The following FHIT variants were observed in gnomAD, a reference collection of about 807,000 sequenced individuals.
The protein encoded by FHIT is fragile histidine triad diadenosine triphosphatase.
A neutral mutation model predicts 17.9 loss-of-function variants in FHIT; 19 were observed. That is an observed-to-expected ratio of 1.06 (90% CI 0.74 to 1.56). The LOEUF is 1.56. Ranked by LOEUF, FHIT falls within the 40% of genes most tolerant of loss-of-function variation. The pLI is 0.00. For synonymous variants in FHIT, 81 were observed against 69.7 expected, an observed-to-expected ratio of 1.16 and a Z score of -0.81; for missense variants, 248 against 189.2, an observed-to-expected ratio of 1.31 and a Z score of -1.82.
intron 3 of FHIT, among the ~76,000 whole-genome samples, chr3:60,846,784 T>C (rs1702940101): frequency 6.6e-6 from 1 of 152,180 alleles, no homozygotes; most frequent in African/African-American, 2.4e-5. Context: ...TATGCATTAA[T>C]GGATGTATTT....
chr3:60,701,219 G>A (rs1716723), intron 4 of FHIT, among the ~76,000 whole-genome samples: 119,227 of 150,852 alleles, frequency 0.79, 48,235 homozygotes, highest in East Asian at 0.9. Context: ...GACTTCCCTG[G>A]CTCTGGTGAT....
chr3:59,916,113 C>T (rs1228048472), intron 8 of FHIT, among the ~76,000 whole-genome samples: 5 of 152,058 alleles, frequency 3.3e-5, no homozygotes, highest in East Asian at 3.9e-4. Flanking sequence ...GAGGCAGACC[C>T]ACCCTCAATC....
At chr3:60,103,214 T>C (rs111570393) in intron 5 of FHIT, among the ~76,000 whole-genome samples, 2 of 152,336 alleles carry the variant, frequency 1.3e-5, no homozygotes, top group Middle Eastern at 3.4e-3. Context: ...TTGTTTTTAC[T>C]TGATAAACAC....
intron 2 of FHIT, among the ~76,000 whole-genome samples, chr3:61,191,047 A>G (rs9868716): frequency 0.42 from 63,906 of 151,494 alleles, 13,996 homozygotes; most frequent in East Asian, 0.8. Context: ...AAACCTGCAC[A>G]TTGCGTACAT....
intron 2 of FHIT, among the ~76,000 whole-genome samples, chr3:61,138,960 T>A (rs1326759272): frequency 6.6e-6 from 1 of 150,760 alleles, no homozygotes; most frequent in Admixed American, 6.6e-5. Context: ...AATAAAAAAA[T>A]AAAGAAGAAC....
intron 7 of FHIT, among the ~76,000 whole-genome samples, chr3:60,003,161 T>C (rs1180032851): frequency 6.6e-6 from 1 of 152,154 alleles, no homozygotes; most frequent in Non-Finnish European, 1.5e-5. Context: ...AATAAAACAC[T>C]GTAAAGCCGA....
At chr3:60,390,661 T>C (rs1455676864) in intron 5 of FHIT, among the ~76,000 whole-genome samples, 1 of 152,020 alleles carries the variant, frequency 6.6e-6, no homozygotes, top group African/African-American at 2.4e-5. Flanking sequence ...ATATTGATGA[T>C]CCTGACCTGG....
At chr3:59,927,146 G>A (rs6793471) in intron 7 of FHIT, among the ~76,000 whole-genome samples, 12,706 of 152,178 alleles carry the variant, frequency 0.083, 766 homozygotes, top group East Asian at 0.31. Flanking sequence ...GCCATAAAAA[G>A]GAGTGATGTG....
Position 60,453,987 on chromosome 3 carries a change from T to C in FHIT, c.103+82873A>G, listed in dbSNP as rs375575305. Among the ~76,000 whole-genome samples the C allele has an allele frequency of 3.4e-4, 52 of 152,184 alleles. 1 individual carries two copies. The East Asian group carries it at 5.6e-3, about 16-fold the overall frequency. ...ATGAGAAAAAAAAATAACCTAAGCATTGTTCAAGAGAAGATGCCATGTTCA... is the reference window on the plus strand; with the variant it reads ...ATGAGAAAAAAAAATAACCTAAGCACTGTTCAAGAGAAGATGCCATGTTCA... On this transcript the variant is annotated intron_variant, in intron 5 of 9. Coordinates refer to ENST00000492590, the MANE Select transcript of FHIT (RefSeq NM_002012.4).
At position 60,481,316 on chromosome 3, in the gene FHIT, T is replaced by C. The variant is rs142591847; in HGVS notation, c.103+55544A>G. ...CAGACCAACATGCAAATTCAGAAAA[T>C]TCAGAGAACACCACTAAGATACTCC... is the stretch of plus-strand genomic sequence containing the variant. On this transcript the variant is annotated intron_variant, in intron 5 of 9. Transcript: ENST00000492590. Among the ~76,000 whole-genome samples, 335 of 151,988 alleles carry C rather than the reference T, an allele frequency of 2.2e-3. 1 individual carries two copies. The highest frequency in any genetic ancestry group is 7.6e-3 in the African/African-American group (317 of 41,460).
intron 4 of FHIT, among the ~76,000 whole-genome samples, chr3:60,613,930 G>A (rs1040907202): frequency 1.3e-5 from 2 of 152,088 alleles, no homozygotes; most frequent in Admixed American, 6.6e-5. Flanking sequence ...GGTGAAAAGA[G>A]TATATCAGCT....
At chr3:60,010,366 G>A (rs1700093398) in intron 7 of FHIT, among the ~76,000 whole-genome samples, 1 of 152,150 alleles carries the variant, frequency 6.6e-6, no homozygotes, top group Non-Finnish European at 1.5e-5. Flanking sequence ...TAGCCCATAT[G>A]GTGGCAGTCC....
intron 4 of FHIT, among the ~76,000 whole-genome samples, chr3:60,782,951 G>T (rs1700442256): frequency 6.6e-6 from 1 of 151,976 alleles, no homozygotes; most frequent in South Asian, 2.1e-4. Context: ...CACCTCAAAG[G>T]CTCCACCTCC....
At chr3:60,352,178 A>G (rs1313859420) in intron 5 of FHIT, among the ~76,000 whole-genome samples, 1 of 152,170 alleles carries the variant, frequency 6.6e-6, no homozygotes, top group East Asian at 1.9e-4. Context: ...ATTTTACTAG[A>G]GGCTGCATAA....
intron 8 of FHIT, among the ~76,000 whole-genome samples, chr3:59,861,947 TG>T (rs1235801138): frequency 2.0e-5 from 3 of 152,132 alleles, no homozygotes; most frequent in Non-Finnish European, 2.9e-5. Flanking sequence ...GATTATGTGA[TG>T]TAATTGGTAC....
In FHIT at chr3:60,027,144, C is replaced by CAA. The variant is rs1366510677; in HGVS notation, c.104-12993_104-12992insTT. 1.3e-3 allele frequency among the ~76,000 whole-genome samples: 159 copies of CAA among 118,204 alleles called. 5 individuals are homozygous for CAA. The highest frequency in any genetic ancestry group is 4.6e-3 in the African/African-American group (146 of 31,578). 77.5% of individuals were successfully genotyped at this position (118,204 alleles called of 152,430 possible). On this transcript the variant is annotated intron_variant, in intron 5 of 9. Transcript: ENST00000492590. ...ACACACACACACACACACACACACA[C>CAA]ACACAAAATTAGTAAACCCAATAAT...
chr3:60,328,499 A>T (rs1709810005), intron 5 of FHIT, among the ~76,000 whole-genome samples: 1 of 152,106 alleles, frequency 6.6e-6, no homozygotes, highest in Non-Finnish European at 1.5e-5. Flanking sequence ...AAACCATTGG[A>T]TCTTGTGAGA....
At chr3:60,383,878 CA>C (rs1424009263) in intron 5 of FHIT, among the ~76,000 whole-genome samples, 1 of 151,964 alleles carries the variant, frequency 6.6e-6, no homozygotes, top group African/African-American at 2.4e-5. Flanking sequence ...TTCTCACTGT[CA>C]AAAAAGACAT....
At chr3:60,353,310 C>A (rs2106953325) in intron 5 of FHIT, among the ~76,000 whole-genome samples, 1 of 152,164 alleles carries the variant, frequency 6.6e-6, no homozygotes, top group East Asian at 1.9e-4. Context: ...ATGCCCAGGC[C>A]TGGTTGGTAA....
Sources: gnomAD v4.1 joint callset for allele counts (sites outside exome capture counted in the v4.1 genomes callset) on GRCh38, gnomAD v4.1.1 for gene constraint, MANE v1.5 for transcripts, NCBI Gene and HGNC (gene_info 2026-07-23, HGNC 2026-07-21) for gene names.